The following GPSM2 variants were observed in gnomAD, a reference collection of about 807,000 sequenced individuals.
The protein encoded by GPSM2 is G protein-signaling modulator 2.
A neutral mutation model predicts 78.4 loss-of-function variants in GPSM2; 58 were observed. The observed-to-expected ratio is 0.74, with a 90% CI of 0.60 to 0.92. The LOEUF is 0.92. Ranked by LOEUF, GPSM2 falls within the 40% of genes least tolerant of loss-of-function variation. GPSM2 has a pLI of 0.00. For missense variants in GPSM2, 700 were observed against 815.5 expected, an observed-to-expected ratio of 0.86 and a Z score of 1.73; for synonymous variants, 224 against 280.2, an observed-to-expected ratio of 0.80 and a Z score of 2.00.
intron 11 of GPSM2, among the ~76,000 whole-genome samples, chr1:108,917,114 C>A (rs1051387445): frequency 2.6e-5 from 4 of 152,022 alleles, no homozygotes; most frequent in African/African-American, 9.7e-5. Flanking sequence ...AATTTTTCTT[C>A]TTGGGTTTTG....
In GPSM2 at chr1:108,885,389, G is replaced by A. The variant is rs1295335149; in HGVS notation, c.-134G>A. 2 of 552,638 alleles carry A rather than the reference G, an allele frequency of 3.6e-6. No individual in the cohort carries two copies. Among genetic ancestry groups the A allele is most frequent in the South Asian group, 5.4e-5 (2 of 36,754 alleles). The allele number at this position is 552,638 out of a possible 1,614,324, so 34.2% of individuals were successfully genotyped here. A position where few individuals can be genotyped will look rare whatever the true frequency, so the allele number is the denominator to read the frequency against. ...TTCATTATTAATAAAGAAGAATCAG[G>A]AGCTTAGGATGTATTAACACCAACT... On this transcript the variant is annotated 5_prime_UTR_variant, in exon 2 of 15. Coordinates refer to ENST00000264126, the MANE Select transcript of GPSM2 (RefSeq NM_013296.5).
At position 108,897,013 on chromosome 1, in the gene GPSM2, G is replaced by A; in HGVS notation, c.206G>A (p.Gly69Asp). Residue 69 changes from glycine to aspartate, a missense_variant, in exon 3 of 15, where the codon GGC becomes GAC. Physicochemically the swap from Gly to Asp is moderately conservative, Grantham distance 94. Coordinates refer to ENST00000264126, the MANE Select transcript of GPSM2 (RefSeq NM_013296.5). ...KTLSAIYSQL[G>D]NAYFYLHDYA... Reference sequence around the variant, plus strand: ...CTTAGCGCTATTTACAGCCAGTTGGGCAATGCTTATTTCTATTTGCATGAT... The same window carrying A: ...CTTAGCGCTATTTACAGCCAGTTGGACAATGCTTATTTCTATTTGCATGAT... 6.2e-7 allele frequency: 1 copy of A among 1,613,794 alleles called. No individual in the cohort carries two copies. Among genetic ancestry groups the A allele is most frequent in the Non-Finnish European group, 8.5e-7 (1 of 1,179,714 alleles).
rs1570900414 is a variant in GPSM2 at position 108,897,150 on chromosome 1, C to T, written c.278+65C>T. The T allele has an allele frequency of 1.1e-5, 13 of 1,202,778 alleles. No homozygotes were observed. In the East Asian group the frequency reaches 2.9e-4, roughly 27 times the overall value. 74.5% of individuals were successfully genotyped at this position (1,202,778 alleles called of 1,614,324 possible). On this transcript the variant is annotated intron_variant, in intron 3 of 14. Coordinates refer to ENST00000264126, the MANE Select transcript of GPSM2 (RefSeq NM_013296.5). ...TTAGCTATTACTTTAAAAAATATTT[C>T]TATTCAATTAACAAAAACTAACTTA... is the stretch of plus-strand genomic sequence containing the variant.
chr1:108,901,007 T>C (rs1260112964), intron 7 of GPSM2, among the ~76,000 whole-genome samples: 4 of 152,212 alleles, frequency 2.6e-5, no homozygotes. Flanking sequence ...AATAACACAT[T>C]AACATTTATA....
intron 2 of GPSM2, among the ~76,000 whole-genome samples, chr1:108,888,235 A>T (rs1266369024): frequency 6.6e-6 from 1 of 152,034 alleles, no homozygotes; most frequent in East Asian, 1.9e-4. Flanking sequence ...TATTTTTAGT[A>T]GAGATGGGGT....
Position 108,902,239 on chromosome 1 carries a change from G to T in GPSM2, c.953+294G>T, listed in dbSNP as rs11102616. ...CTACTAAAAATACAAAAATTAGCCG[G>T]GTGTGGTGGCGCACGCTTGTAATCC... is the stretch of plus-strand genomic sequence containing the variant. On this transcript the variant is annotated intron_variant, in intron 8 of 14. Coordinates refer to ENST00000264126, the MANE Select transcript of GPSM2 (RefSeq NM_013296.5). Among the ~76,000 whole-genome samples, 15,069 of 151,982 alleles carry T rather than the reference G, an allele frequency of 0.099. 774 individuals are homozygous for T. The highest frequency in any genetic ancestry group is 0.12 in the Middle Eastern group (36 of 294).
At chr1:108,915,386 A>T (rs1650118520) in intron 11 of GPSM2, among the ~76,000 whole-genome samples, 1 of 145,526 alleles carries the variant, frequency 6.9e-6, no homozygotes, top group African/African-American at 2.5e-5. Flanking sequence ...AAAAAAAAAA[A>T]ATAGGTTCTC....
At position 108,896,873 on chromosome 1, in the gene GPSM2, T is replaced by G; in HGVS notation, c.66T>G (p.Ala22=). The G allele has an allele frequency of 6.2e-7, 1 of 1,612,256 alleles. No homozygotes were observed. Among genetic ancestry groups the G allele is most frequent in the Non-Finnish European group, 8.5e-7 (1 of 1,178,244 alleles). Residue 22 remains alanine, a synonymous_variant, in exon 3 of 15, where the codon GCT becomes GCG. Transcript: ENST00000264126. ...HSFHVRYRME[A]SCLELALEGE... ...CTGTATAATTTTGTAGAATGGAAGC[T>G]TCTTGCCTAGAGCTGGCCTTGGAAG...
chr1:108,894,163 A>G (rs552096623), intron 2 of GPSM2, among the ~76,000 whole-genome samples: 50 of 152,350 alleles, frequency 3.3e-4, no homozygotes, highest in Admixed American at 2.4e-3. Flanking sequence ...CTTTTATGAA[A>G]TATCTCATTT....
chr1:108,923,160 G>C (rs1650858407), intron 13 of GPSM2, among the ~76,000 whole-genome samples: 1 of 151,946 alleles, frequency 6.6e-6, no homozygotes, highest in Non-Finnish European at 1.5e-5. Flanking sequence ...AGCCTCCCAA[G>C]TAACTGGGAC....
rs548067181 is a variant in GPSM2, at chr1:108,922,618, T to G, written c.1600+42T>G. The stretch of plus-strand genomic sequence containing the variant: ...TCTCCCCCGATTTTAATAGTTCTCT[T>G]TGATATTCTTGTGGCTTATTTCTGA... On this transcript the variant is annotated intron_variant, in intron 13 of 14. Coordinates refer to ENST00000264126, the MANE Select transcript of GPSM2 (RefSeq NM_013296.5). 8.2e-6 allele frequency: 12 copies of G among 1,462,616 alleles called. No homozygotes were observed. The East Asian group carries it at 2.5e-4, about 30-fold the overall frequency. The allele number at this position is 1,462,616 out of a possible 1,614,324, so 90.6% of individuals were successfully genotyped here.
intron 10 of GPSM2, among the ~76,000 whole-genome samples, chr1:108,908,358 G>A (rs1286054771): frequency 2.8e-5 from 4 of 145,220 alleles, no homozygotes; most frequent in East Asian, 2.2e-4. Context: ...GCAACAGAGC[G>A]AGACTCTGTC....
intron 14 of GPSM2, among the ~76,000 whole-genome samples, chr1:108,925,824 G>T (rs573349128): frequency 1.7e-3 from 246 of 146,956 alleles, no homozygotes; most frequent in South Asian, 3.0e-3. Context: ...CAAATGTGGG[G>T]TTTTTTTTTT....
At position 108,929,982 on chromosome 1, in the gene GPSM2, A is replaced by C. The variant is rs1651648348; in HGVS notation, c.*42A>C. 4 of 1,569,346 alleles carry C rather than the reference A, an allele frequency of 2.5e-6. No homozygotes were observed. Among genetic ancestry groups the C allele is most frequent in the African/African-American group, 2.7e-5 (2 of 73,764 alleles). On this transcript the variant is annotated 3_prime_UTR_variant, in exon 15 of 15. Transcript: ENST00000264126. ...TTTTTTCCTTTCAAACACGGTAAGG[A>C]AACAATCTATTACTTTTTTCCTTAA...
chr1:108,890,211 T>C (rs984149335), intron 2 of GPSM2, among the ~76,000 whole-genome samples: 2 of 152,216 alleles, frequency 1.3e-5, no homozygotes, highest in Non-Finnish European at 2.9e-5. Context: ...ACCTCTCCCT[T>C]TGAGCATTAG....
intron 2 of GPSM2, 108 bp downstream of exon 2, chr1:108,885,686 C>T: frequency 2.6e-6 from 2 of 767,554 alleles, no homozygotes; most frequent in South Asian, 2.9e-5. Context: ...ATATACCAGC[C>T]ATAGTATTGT....
In GPSM2 at chr1:108,927,301, A is replaced by T. The variant is rs118136713; in HGVS notation, c.1816-2400A>T. On this transcript the variant is annotated intron_variant, in intron 14 of 14. Coordinates refer to ENST00000264126, the MANE Select transcript of GPSM2 (RefSeq NM_013296.5). ...CCTACAGAAATAGAAAATATAGCCT[A>T]AAATTCATATAGAACCTCAAGGGAT... Among the ~76,000 whole-genome samples the T allele has an allele frequency of 1.2e-4, 19 of 152,338 alleles. No individual in the cohort carries two copies. In the East Asian group the frequency reaches 3.5e-3, roughly 28 times the overall value.
Position 108,896,936 on chromosome 1 carries a change from C to T in GPSM2, c.129C>T (p.Gly43=), listed in dbSNP as rs916602684. Residue 43 remains glycine, a synonymous_variant, in exon 3 of 15, where the codon GGC becomes GGT. Transcript: ENST00000264126. ...GTAAATCAGGAGACTGCCGCGCTGG[C>T]GTGTCATTCTTTGAAGCTGCAGTTC... The part of the protein sequence containing the change: ...RLCKSGDCRA[G]VSFFEAAVQV... The T allele has an allele frequency of 4.3e-6, 7 of 1,614,056 alleles. No individual in the cohort carries two copies. The highest frequency in any genetic ancestry group is 2.2e-5 in the South Asian group (2 of 91,082).
At position 108,914,408 on chromosome 1, in the gene GPSM2, G is replaced by T; in HGVS notation, c.1263G>T (p.Lys421Asn). ...AACTTATGAAGTTAACACCAGAAAA[G>T]GTGGGTGGCAGGTTTTATGTTTTAA... ...NMELMKLTPEKVQNWNSEILA... is the reference protein window; with the variant it reads ...NMELMKLTPENVQNWNSEILA... The change falls in exon 11 of 15, where the codon AAG (lysine) becomes AAT (asparagine). Residue 421 changes from lysine (K) to asparagine (N), a missense_variant and splice_region_variant. Transcript: ENST00000264126. 2 of 1,599,978 alleles carry T rather than the reference G, an allele frequency of 1.3e-6. No individual in the cohort carries two copies. Among genetic ancestry groups the T allele is most frequent in the Non-Finnish European group, 1.7e-6 (2 of 1,167,850 alleles).
Sources: gnomAD v4.1 joint callset for allele counts (sites outside exome capture counted in the v4.1 genomes callset) on GRCh38, gnomAD v4.1.1 for gene constraint, MANE v1.5 for transcripts, NCBI Gene and HGNC (gene_info 2026-07-23, HGNC 2026-07-21) for gene names.